UXS1: variants seen among roughly 807,000 people sequenced by gnomAD.
UXS1 encodes UDP-glucuronic acid decarboxylase 1.
In UXS1, 33 loss-of-function variants were observed where a neutral mutation model predicts 62.6. The observed-to-expected ratio is 0.53, with a 90% CI of 0.40 to 0.70. The LOEUF is 0.70. Among genes scored for constraint, UXS1 ranks in the 30% least tolerant of loss-of-function variants. The probability of loss-of-function intolerance (pLI) is 0.00; values close to 1 mark genes in which losing one functional copy is unlikely to be tolerated. For synonymous variants in UXS1, 213 were observed against 206.8 expected (o/e 1.03, Z -0.26); for missense variants, 434 against 556.3 (o/e 0.78, Z 2.21).
chr2:106,116,214 G>A (rs999215519), intron 9 of UXS1, among the ~76,000 whole-genome samples: 4 of 152,140 alleles, frequency 2.6e-5, no homozygotes, highest in African/African-American at 9.7e-5. Flanking sequence ...GGGATTACAC[G>A]GTGTACAGAG....
intron 6 of UXS1, 133 bp downstream of exon 6, chr2:106,145,057 G>T: frequency 1.0e-6 from 1 of 986,940 alleles, no homozygotes; most frequent in Non-Finnish European, 1.5e-6. Flanking sequence ...CATACATATT[G>T]AGACATTTCA....
chr2:106,096,076 C>G (rs1677060104), intron 14 of UXS1, among the ~76,000 whole-genome samples: 1 of 152,226 alleles, frequency 6.6e-6, no homozygotes, highest in Non-Finnish European at 1.5e-5. Context: ...TGATGGGGAC[C>G]ACTTGCCCCT....
chr2:106,161,626 A>C (rs368267354), intron 4 of UXS1, among the ~76,000 whole-genome samples: 116 of 152,316 alleles, frequency 7.6e-4, no homozygotes, highest in Admixed American at 2.5e-3. Context: ...GTCCTTTACT[A>C]ATCATTAATA....
At chr2:106,118,287 T>A (rs1334746518) in intron 9 of UXS1, among the ~76,000 whole-genome samples, 1 of 152,138 alleles carries the variant, frequency 6.6e-6, no homozygotes, top group African/African-American at 2.4e-5. Flanking sequence ...CAAAAGTACT[T>A]TGATGCCAGG....
Position 106,158,719 on chromosome 2 carries a change from A to G in UXS1, c.231-601T>C, listed in dbSNP as rs751441425. 5.8e-4 allele frequency among the ~76,000 whole-genome samples: 89 copies of G among 152,196 alleles called. 2 individuals are homozygous for G. The highest frequency in any genetic ancestry group is 1.9e-4 in the Non-Finnish European group (13 of 68,046). ...ACTTTGCTAAAGAATAAGCATAAAC[A>G]ATGACCTGCCAACTGCTTAGCTTAG... On this transcript the variant is annotated intron_variant, in intron 4 of 14. Coordinates refer to ENST00000283148, the MANE Select transcript of UXS1 (RefSeq NM_001253875.2).
chr2:106,128,858 A>C (rs116693573), intron 7 of UXS1, among the ~76,000 whole-genome samples: 1 of 152,164 alleles, frequency 6.6e-6, no homozygotes, highest in Non-Finnish European at 1.5e-5. Context: ...GTTCAAATTA[A>C]AATTTAGTGC....
chr2:106,108,381 C>T (rs527263208), intron 10 of UXS1, among the ~76,000 whole-genome samples: 40 of 152,322 alleles, frequency 2.6e-4, no homozygotes, highest in African/African-American at 8.7e-4. Flanking sequence ...CAACTGCAGA[C>T]CCTGTGTACA....
At chr2:106,094,838 G>A (rs1676945007) in intron 14 of UXS1, among the ~76,000 whole-genome samples, 1 of 152,230 alleles carries the variant, frequency 6.6e-6, no homozygotes, top group African/African-American at 2.4e-5. Context: ...CACCACTGGG[G>A]GAGAAGGTCT....
intron 1 of UXS1, among the ~76,000 whole-genome samples, chr2:106,189,754 G>A (rs1384543456): frequency 6.6e-6 from 1 of 152,240 alleles, no homozygotes; most frequent in Non-Finnish European, 1.5e-5. Context: ...AGGCCAAAAA[G>A]GATTGGACCA....
At chr2:106,173,248 T>C (rs1683673821) in intron 1 of UXS1, among the ~76,000 whole-genome samples, 1 of 152,146 alleles carries the variant, frequency 6.6e-6, no homozygotes, top group Non-Finnish European at 1.5e-5. Context: ...GACTGGGAAT[T>C]GCTACTCTAG....
chr2:106,162,169 AAT>A (rs1274904425), intron 4 of UXS1, among the ~76,000 whole-genome samples: 2 of 152,198 alleles, frequency 1.3e-5, no homozygotes, highest in East Asian at 3.8e-4. Flanking sequence ...ACCATTCCAG[AAT>A]GAGTCACCTG....
intron 1 of UXS1, among the ~76,000 whole-genome samples, chr2:106,182,150 T>C (rs1573584225): frequency 1.3e-5 from 2 of 152,140 alleles, no homozygotes; most frequent in East Asian, 3.9e-4. Context: ...GAAAGGTCTA[T>C]CTAAAGTATG....
At chr2:106,151,584 T>C (rs1682020775) in intron 5 of UXS1, among the ~76,000 whole-genome samples, 1 of 152,202 alleles carries the variant, frequency 6.6e-6, no homozygotes, top group Admixed American at 6.5e-5. Context: ...AATACCTTTC[T>C]ACTTATAAAT....
chr2:106,140,735 G>A (rs925607718), intron 6 of UXS1, among the ~76,000 whole-genome samples: 3 of 152,214 alleles, frequency 2.0e-5, no homozygotes, highest in African/African-American at 7.2e-5. Flanking sequence ...GATTAGAATA[G>A]CATTTGGAAT....
intron 10 of UXS1, 97 bp downstream of exon 10, chr2:106,112,549 G>A: frequency 6.6e-7 from 1 of 1,513,742 alleles, no homozygotes; most frequent in South Asian, 1.3e-5. Flanking sequence ...CTTCAGAAGT[G>A]TCACTCCCTG....
At chr2:106,112,364 C>T (rs1023501967) in intron 10 of UXS1, among the ~76,000 whole-genome samples, 5 of 152,198 alleles carry the variant, frequency 3.3e-5, no homozygotes, top group Admixed American at 6.5e-5. Flanking sequence ...AAAAGTATGT[C>T]GGAGAAGGTC....
intron 4 of UXS1, among the ~76,000 whole-genome samples, chr2:106,161,963 G>C (rs1682925689): frequency 6.6e-6 from 1 of 152,128 alleles, no homozygotes. Flanking sequence ...CCTATTTCCA[G>C]TTACATTCTT....
At chr2:106,106,117 C>A (rs1678043637) in intron 10 of UXS1, among the ~76,000 whole-genome samples, 1 of 152,158 alleles carries the variant, frequency 6.6e-6, no homozygotes, top group South Asian at 2.1e-4. Context: ...GTAATCCCAG[C>A]ACCTTGGGAG....
At chr2:106,117,915 C>T (rs1037589923) in intron 9 of UXS1, among the ~76,000 whole-genome samples, 4 of 152,230 alleles carry the variant, frequency 2.6e-5, no homozygotes, top group African/African-American at 9.6e-5. Context: ...CAAGTTGACT[C>T]GAGGGGTTGG....
Sources: allele counts gnomAD v4.1 joint callset (sites outside exome capture counted in the v4.1 genomes callset), GRCh38; gene constraint gnomAD v4.1.1; transcripts MANE v1.5; gene names NCBI Gene and HGNC (gene_info 2026-07-23, HGNC 2026-07-21).